ELOVL5: variants seen among roughly 807,000 people sequenced by gnomAD.
ELOVL5 encodes the protein ELOVL fatty acid elongase 5.
ELOVL5 carries 8 observed loss-of-function variants against 38.6 expected under a neutral mutation model. The ratio of observed to expected loss-of-function variants is 0.21; its 90% CI spans 0.12 to 0.37. The LOEUF is 0.37. Ranked by LOEUF, ELOVL5 falls within the 10% of genes least tolerant of loss-of-function variation. ELOVL5 has a pLI of 1.00. For synonymous variants in ELOVL5, 127 were observed against 133.7 expected (o/e 0.95, Z 0.34); for missense variants, 280 against 367.8 (o/e 0.76, Z 1.95).
intron 3 of ELOVL5, among the ~76,000 whole-genome samples, chr6:53,279,175 C>T (rs1766262537): frequency 6.6e-6 from 1 of 152,130 alleles, no homozygotes; most frequent in African/African-American, 2.4e-5. Flanking sequence ...CATAAGGCTC[C>T]CACCATGAAG....
intron 1 of ELOVL5, among the ~76,000 whole-genome samples, chr6:53,330,410 A>G (rs370669529): frequency 6.6e-6 from 1 of 152,012 alleles, no homozygotes; most frequent in African/African-American, 2.4e-5. Flanking sequence ...TAAATACTAC[A>G]TTGAGGCTAA....
At chr6:53,312,925 T>G (rs911944657) in intron 1 of ELOVL5, among the ~76,000 whole-genome samples, 4 of 152,198 alleles carry the variant, frequency 2.6e-5, no homozygotes, top group Non-Finnish European at 4.4e-5. Flanking sequence ...AGTTTAAGAC[T>G]TTACCTAAAT....
chr6:53,310,809 T>A (rs565977021), intron 1 of ELOVL5, among the ~76,000 whole-genome samples: 1 of 152,260 alleles, frequency 6.6e-6, no homozygotes, highest in East Asian at 1.9e-4. Context: ...CTGCAACAAA[T>A]TTCGAACTGT....
intron 3 of ELOVL5, among the ~76,000 whole-genome samples, chr6:53,286,061 T>C (rs996086217): frequency 2.6e-5 from 4 of 152,218 alleles, no homozygotes; most frequent in African/African-American, 9.7e-5. Context: ...ATTGCAGTGA[T>C]CTGCAACTAA....
intron 1 of ELOVL5, among the ~76,000 whole-genome samples, chr6:53,330,931 CA>C (rs1768775154): frequency 6.6e-6 from 1 of 152,174 alleles, no homozygotes; most frequent in Non-Finnish European, 1.5e-5. Context: ...GGAAGGCCTT[CA>C]GGGGCAATAA....
intron 1 of ELOVL5, among the ~76,000 whole-genome samples, chr6:53,330,059 T>C (rs932457254): frequency 6.6e-6 from 1 of 152,194 alleles, no homozygotes; most frequent in African/African-American, 2.4e-5. Flanking sequence ...TAGAAATATG[T>C]CACTGGGCGA....
chr6:53,293,820 G>C (rs552387883), intron 2 of ELOVL5, among the ~76,000 whole-genome samples: 8 of 152,260 alleles, frequency 5.3e-5, no homozygotes, highest in African/African-American at 1.9e-4. Context: ...GCTTCAGAGG[G>C]ACATGCCCTC....
In ELOVL5 at chr6:53,270,017, G is replaced by C. The variant is rs374742780; in HGVS notation, c.756+576C>G. On this transcript the variant is annotated intron_variant, in intron 7 of 7. Coordinates refer to ENST00000304434, the MANE Select transcript of ELOVL5 (RefSeq NM_021814.5). ...ACAAAGGCAGGACACATGTCATCTG[G>C]GGGGTGACGCATGGCAGGAGAATCA... Among the ~76,000 whole-genome samples the C allele has an allele frequency of 2.3e-4, 35 of 152,312 alleles. No individual in the cohort carries two copies. In the South Asian group the frequency reaches 7.0e-3, roughly 31 times the overall value.
At chr6:53,280,467 C>G (rs1766309557) in intron 3 of ELOVL5, among the ~76,000 whole-genome samples, 1 of 152,222 alleles carries the variant, frequency 6.6e-6, no homozygotes, top group African/African-American at 2.4e-5. Context: ...TAATTAAAAC[C>G]TAGCTACAAG....
chr6:53,301,094 G>C (rs1002036651), intron 1 of ELOVL5, among the ~76,000 whole-genome samples: 1 of 152,282 alleles, frequency 6.6e-6, no homozygotes, highest in Non-Finnish European at 1.5e-5. Flanking sequence ...TAAAGGAATG[G>C]GAGGCACAGG....
At chr6:53,347,717 A>AC (rs890456947) in intron 1 of ELOVL5, among the ~76,000 whole-genome samples, 6 of 151,032 alleles carry the variant, frequency 4.0e-5, no homozygotes, top group East Asian at 1.9e-4. Flanking sequence ...TCCGAAAGAG[A>AC]CCCCCCGCCC....
intron 1 of ELOVL5, among the ~76,000 whole-genome samples, chr6:53,297,238 C>T (rs552879786): frequency 8.7e-4 from 132 of 152,298 alleles, no homozygotes; most frequent in African/African-American, 3.2e-3. Context: ...AGTTACAAAA[C>T]CTTAGCACAA....
In ELOVL5 at chr6:53,289,622, A is replaced by T. The variant is rs549648627; in HGVS notation, c.246+2154T>A. Among the ~76,000 whole-genome samples, 6 of 152,300 alleles carry T rather than the reference A, an allele frequency of 3.9e-5. No individual in the cohort carries two copies. In the East Asian group the frequency reaches 9.7e-4, roughly 25 times the overall value. ...GTAGTTCCAGCTACTAGGGAGGCTGAGGCAAGAGAATCGCTTGAACCTGGG... is the reference window on the plus strand; with the variant it reads ...GTAGTTCCAGCTACTAGGGAGGCTGTGGCAAGAGAATCGCTTGAACCTGGG... On this transcript the variant is annotated intron_variant, in intron 3 of 7. Transcript: ENST00000304434.
chr6:53,270,855 G>T, intron 6 of ELOVL5, 128 bp from the exon 7 acceptor site: 1 of 1,011,902 alleles, frequency 9.9e-7, no homozygotes, highest in Non-Finnish European at 1.4e-6. Context: ...TGCAGGTACA[G>T]CAGTCACTTC....
In ELOVL5 at chr6:53,268,218, G is replaced by A. The variant is rs1413268825; in HGVS notation, c.*909C>T. 1 of 152,124 alleles carries A rather than the reference G, an allele frequency of 6.6e-6. No individual in the cohort carries two copies. The highest frequency in any genetic ancestry group is 1.5e-5 in the Non-Finnish European group (1 of 68,036). The allele number at this position is 152,124 out of a possible 1,614,324, so 9.4% of individuals were successfully genotyped here. On this transcript the variant is annotated 3_prime_UTR_variant, in exon 8 of 8. Coordinates refer to ENST00000304434, the MANE Select transcript of ELOVL5 (RefSeq NM_021814.5). ...CCCCATTGCTCATCTACGGGACTCTGTCAAACGGTAAATAGGCAATCATCT... is the reference window on the plus strand; with the variant it reads ...CCCCATTGCTCATCTACGGGACTCTATCAAACGGTAAATAGGCAATCATCT...
At chr6:53,273,732 T>C (rs911765049) in intron 5 of ELOVL5, among the ~76,000 whole-genome samples, 2 of 152,226 alleles carry the variant, frequency 1.3e-5, no homozygotes, top group African/African-American at 4.8e-5. Flanking sequence ...TGATGGGCAA[T>C]ATGCTCAAAA....
intron 1 of ELOVL5, among the ~76,000 whole-genome samples, chr6:53,304,132 G>A (rs1767380963): frequency 6.6e-6 from 1 of 152,190 alleles, no homozygotes; most frequent in East Asian, 1.9e-4. Flanking sequence ...TGTCCTATGA[G>A]TATAATAATT....
intron 1 of ELOVL5, among the ~76,000 whole-genome samples, chr6:53,302,282 G>C (rs1479434265): frequency 1.3e-5 from 2 of 152,216 alleles, no homozygotes; most frequent in Non-Finnish European, 2.9e-5. Flanking sequence ...GTCAACATCA[G>C]TGCTCACTTT....
intron 2 of ELOVL5, among the ~76,000 whole-genome samples, chr6:53,293,402 C>G (rs1417550695): frequency 6.6e-6 from 1 of 152,202 alleles, no homozygotes. Flanking sequence ...ACTGCAACCT[C>G]TGCCTCTAGG....
Sources: gnomAD v4.1 joint callset for allele counts (sites outside exome capture counted in the v4.1 genomes callset) on GRCh38, gnomAD v4.1.1 for gene constraint, MANE v1.5 for transcripts, NCBI Gene and HGNC (gene_info 2026-07-23, HGNC 2026-07-21) for gene names.